The following DEPTOR variants were observed in gnomAD, a reference collection of about 807,000 sequenced individuals.
DEPTOR encodes DEP domain-containing mTOR-interacting protein.
In DEPTOR, 41 loss-of-function variants were observed where a neutral mutation model predicts 41.6. The ratio of observed to expected loss-of-function variants is 0.98; its 90% CI spans 0.77 to 1.28. DEPTOR has a LOEUF of 1.28. Ranked by LOEUF, DEPTOR falls within the 50% of genes most tolerant of loss-of-function variation. DEPTOR has a pLI of 0.00. For synonymous variants in DEPTOR, 195 were observed against 192.3 expected, an observed-to-expected ratio of 1.01 and a Z score of -0.12; for missense variants, 514 against 527.9, an observed-to-expected ratio of 0.97 and a Z score of 0.26.
At chr8:119,972,827 A>G (rs1400760242) in intron 4 of DEPTOR, among the ~76,000 whole-genome samples, 4 of 152,168 alleles carry the variant, frequency 2.6e-5, no homozygotes, top group Non-Finnish European at 1.5e-5. Flanking sequence ...CCTGGCAGAT[A>G]TTTATACTAT....
At chr8:119,936,508 C>G (rs1828115589) in intron 3 of DEPTOR, among the ~76,000 whole-genome samples, 2 of 152,172 alleles carry the variant, frequency 1.3e-5, no homozygotes, top group African/African-American at 4.8e-5. Context: ...CTGTACAACT[C>G]TGTGAGTTAT....
chr8:119,905,724 T>A (rs149502228), intron 1 of DEPTOR, among the ~76,000 whole-genome samples: 15 of 151,196 alleles, frequency 9.9e-5, no homozygotes, highest in African/African-American at 3.2e-4. Context: ...TACTACAGCC[T>A]CCGCCTCTCA....
intron 5 of DEPTOR, 110 bp downstream of exon 5, chr8:120,001,820 A>G: frequency 7.7e-7 from 1 of 1,304,732 alleles, no homozygotes. Flanking sequence ...TAGAATTTTT[A>G]CTTATTCATA....
At position 119,929,718 on chromosome 8, in the gene DEPTOR, A is replaced by G. The variant is rs531426885; in HGVS notation, c.302-97A>G. 4.6e-5 allele frequency: 68 copies of G among 1,465,976 alleles called. No individual in the cohort carries two copies. In the African/African-American group the frequency reaches 8.8e-4, roughly 19 times the overall value. 90.8% of individuals were successfully genotyped at this position (1,465,976 alleles called of 1,614,324 possible). On this transcript the variant is annotated intron_variant, in intron 2 of 8. Coordinates refer to ENST00000286234, the MANE Select transcript of DEPTOR (RefSeq NM_022783.4). ...TATTTGCATGCATGAAGAATGTGAT[A>G]GTGAAATAATTCTTAATTAGCATCA...
chr8:119,972,801 G>A (rs1205781485), intron 4 of DEPTOR, among the ~76,000 whole-genome samples: 2 of 152,128 alleles, frequency 1.3e-5, no homozygotes, highest in Non-Finnish European at 2.9e-5. Flanking sequence ...TGCATCAGCT[G>A]AATCAGCCGA....
At chr8:119,879,944 C>A (rs1742576633) in intron 1 of DEPTOR, among the ~76,000 whole-genome samples, 1 of 152,040 alleles carries the variant, frequency 6.6e-6, no homozygotes, top group Admixed American at 6.6e-5. Context: ...GCATTCAAGA[C>A]CAGCCTGGCC....
intron 1 of DEPTOR, among the ~76,000 whole-genome samples, chr8:119,921,748 G>GTAT (rs1827896715): frequency 7.6e-6 from 1 of 131,134 alleles, no homozygotes; most frequent in Non-Finnish European, 1.6e-5. Flanking sequence ...CTATTCTGTA[G>GTAT]TTTTTTTTTT....
intron 1 of DEPTOR, among the ~76,000 whole-genome samples, chr8:119,923,202 A>T (rs989741605): frequency 2.0e-5 from 3 of 151,926 alleles, no homozygotes; most frequent in Admixed American, 6.6e-5. Context: ...AAATCTCCAC[A>T]TCTATTAACC....
At chr8:119,877,374 G>A (rs1195840983) in intron 1 of DEPTOR, among the ~76,000 whole-genome samples, 3 of 152,188 alleles carry the variant, frequency 2.0e-5, no homozygotes, top group African/African-American at 7.2e-5. Flanking sequence ...TCAGAATTTA[G>A]GAATTAAAGC....
intron 1 of DEPTOR, among the ~76,000 whole-genome samples, chr8:119,892,493 T>G (rs1827464315): frequency 6.6e-6 from 1 of 152,238 alleles, no homozygotes; most frequent in South Asian, 2.1e-4. Context: ...TAATACTGTA[T>G]GAGTTTAGCC....
At chr8:119,931,958 G>GATT (rs58758138) in intron 3 of DEPTOR, among the ~76,000 whole-genome samples, 7,616 of 142,610 alleles carry the variant, frequency 0.053, 262 homozygotes, top group East Asian at 0.11. Flanking sequence ...AATTAAAAAA[G>GATT]ATTATTATTA....
intron 3 of DEPTOR, among the ~76,000 whole-genome samples, chr8:119,953,693 A>T (rs1358409479): frequency 6.6e-6 from 1 of 151,862 alleles, no homozygotes; most frequent in Non-Finnish European, 1.5e-5. Context: ...GTCTATCTAG[A>T]TTCTTCTTGG....
At position 119,982,164 on chromosome 8, in the gene DEPTOR, C is replaced by T. The variant is rs1228138247; in HGVS notation, c.604+16754C>T. The stretch of plus-strand genomic sequence containing the variant: ...GAGATTGGTTTCTACATATTTATTA[C>T]TTTCACTTGCTTTGGATAAAAGAAT... On this transcript the variant is annotated intron_variant, in intron 4 of 8. Transcript: ENST00000286234. Among the ~76,000 whole-genome samples, 6 of 151,834 alleles carry T rather than the reference C, an allele frequency of 4.0e-5. No individual in the cohort carries two copies. In the East Asian group the frequency reaches 5.9e-4, roughly 15 times the overall value.
At chr8:119,921,958 T>C (rs934535125) in intron 1 of DEPTOR, among the ~76,000 whole-genome samples, 5 of 151,832 alleles carry the variant, frequency 3.3e-5, no homozygotes, top group African/African-American at 1.2e-4. Flanking sequence ...ATAAATAGGC[T>C]GGGCGCAGTA....
At chr8:120,017,923 C>CT (rs1318307084) in intron 8 of DEPTOR, among the ~76,000 whole-genome samples, 2 of 152,130 alleles carry the variant, frequency 1.3e-5, no homozygotes, top group East Asian at 3.9e-4. Flanking sequence ...TTAACGGGGC[C>CT]TTTTTTCTCT....
chr8:120,015,026 A>G (rs1203329437), intron 8 of DEPTOR, among the ~76,000 whole-genome samples: 2 of 152,054 alleles, frequency 1.3e-5, no homozygotes, highest in East Asian at 3.9e-4. Context: ...GAATTTTTAC[A>G]TTTCCGTAAT....
In DEPTOR at chr8:119,980,493, CTTTTCTT is replaced by C. The variant is rs1366668022; in HGVS notation, c.604+15086_604+15092del. Among the ~76,000 whole-genome samples the C allele has an allele frequency of 2.1e-5, 3 of 140,474 alleles. No individual in the cohort carries two copies. The East Asian group carries it at 7.4e-4, about 35-fold the overall frequency. The allele number at this position is 140,474 out of a possible 152,430, so 92.2% of individuals were successfully genotyped here. A position where few individuals can be genotyped will look rare whatever the true frequency, so the allele number is the denominator to read the frequency against. On this transcript the variant is annotated intron_variant, in intron 4 of 8. Coordinates refer to ENST00000286234, the MANE Select transcript of DEPTOR (RefSeq NM_022783.4). ...CTTTTCTTTTCTTTTCTTTTCTTTT[CTTTTCTT>C]TTCTTTTCTTTTCTCTCTTTGTGTT...
chr8:119,896,586 A>G (rs1827522941), intron 1 of DEPTOR, among the ~76,000 whole-genome samples: 1 of 151,900 alleles, frequency 6.6e-6, no homozygotes, highest in Non-Finnish European at 1.5e-5. Flanking sequence ...TGCAACCTCT[A>G]CCTCCTGGGT....
At chr8:119,889,424 G>C (rs758114811) in intron 1 of DEPTOR, among the ~76,000 whole-genome samples, 1 of 151,232 alleles carries the variant, frequency 6.6e-6, no homozygotes, top group Non-Finnish European at 1.5e-5. Flanking sequence ...GTGCATACCT[G>C]TGATCTGAGC....
Sources: allele counts gnomAD v4.1 joint callset (sites outside exome capture counted in the v4.1 genomes callset), GRCh38; gene constraint gnomAD v4.1.1; transcripts MANE v1.5; gene names NCBI Gene and HGNC (gene_info 2026-07-23, HGNC 2026-07-21).